The following MAGI2 variants were observed in gnomAD, a reference collection of about 807,000 sequenced individuals.
MAGI2 encodes the protein membrane-associated guanylate kinase, WW and PDZ domain-containing protein 2.
A neutral mutation model predicts 133.3 loss-of-function variants in MAGI2; 35 were observed. The ratio of observed to expected loss-of-function variants is 0.26; its 90% CI spans 0.20 to 0.35. The LOEUF is 0.35. Ranked by LOEUF, MAGI2 falls within the 10% of genes least tolerant of loss-of-function variation. MAGI2 has a pLI of 1.00. For missense variants in MAGI2, 1,636 were observed against 1,863.4 expected (o/e 0.88, Z 2.25); for synonymous variants, 729 against 710.6 (o/e 1.03, Z -0.41).
intron 2 of MAGI2, among the ~76,000 whole-genome samples, chr7:78,856,936 G>T (rs1343201404): frequency 6.6e-6 from 1 of 152,086 alleles, no homozygotes; most frequent in Non-Finnish European, 1.5e-5. Flanking sequence ...GTTGAGCAGT[G>T]GTTTGTAGTT....
intron 7 of MAGI2, among the ~76,000 whole-genome samples, chr7:78,347,696 C>A (rs1791060174): frequency 6.6e-6 from 1 of 152,184 alleles, no homozygotes; most frequent in African/African-American, 2.4e-5. Flanking sequence ...GCACTGGGAC[C>A]TTGCTCTAAC....
chr7:78,988,910 G>C (rs1044203273), intron 2 of MAGI2, among the ~76,000 whole-genome samples: 2 of 152,086 alleles, frequency 1.3e-5, no homozygotes, highest in Non-Finnish European at 2.9e-5. Context: ...TGATGACATA[G>C]AGTAATTGAT....
At chr7:78,424,393 G>A (rs1467457334) in intron 6 of MAGI2, among the ~76,000 whole-genome samples, 3 of 152,182 alleles carry the variant, frequency 2.0e-5, no homozygotes, top group African/African-American at 7.2e-5. Context: ...TTGCTGCAGG[G>A]GTGGGGCCTT....
chr7:79,055,445 T>G (rs2117023705), intron 1 of MAGI2, among the ~76,000 whole-genome samples: 1 of 152,332 alleles, frequency 6.6e-6, no homozygotes, highest in African/African-American at 2.4e-5. Context: ...TCAGATATTT[T>G]ATATTAAGTA....
chr7:78,377,439 C>A lies in MAGI2; in HGVS notation c.1046-8226G>T, dbSNP rs546370659. ...CTAGCAAACCTGCTTGATTAGAACA[C>A]AAGTATGAAGAATTGAAAGAAAGGG... On this transcript the variant is annotated intron_variant, in intron 6 of 21. Coordinates refer to ENST00000354212, the MANE Select transcript of MAGI2 (RefSeq NM_012301.4). Among the ~76,000 whole-genome samples, 21 of 151,756 alleles carry A rather than the reference C, an allele frequency of 1.4e-4. No homozygotes were observed. In the South Asian group the frequency reaches 4.4e-3, roughly 32 times the overall value.
chr7:78,347,580 C>T (rs1037046784), intron 7 of MAGI2, among the ~76,000 whole-genome samples: 4 of 152,144 alleles, frequency 2.6e-5, no homozygotes, highest in African/African-American at 9.7e-5. Context: ...GTTTTGAGTA[C>T]AGACATACTC....
chr7:78,290,056 AAAT>A (rs979386570), intron 9 of MAGI2, among the ~76,000 whole-genome samples: 3 of 152,230 alleles, frequency 2.0e-5, no homozygotes, highest in Non-Finnish European at 2.9e-5. Context: ...CAAACGGGCA[AAAT>A]AACCAGCTAG....
At chr7:78,689,857 C>T (rs1409284386) in intron 2 of MAGI2, among the ~76,000 whole-genome samples, 2 of 151,836 alleles carry the variant, frequency 1.3e-5, no homozygotes, top group East Asian at 1.9e-4. Flanking sequence ...GTTTGGGGCT[C>T]TTAGGATTAG....
intron 2 of MAGI2, among the ~76,000 whole-genome samples, chr7:78,693,993 G>A (rs1408801110): frequency 6.6e-6 from 1 of 152,112 alleles, no homozygotes; most frequent in Non-Finnish European, 1.5e-5. Context: ...GGAAAGGATT[G>A]GGGACAGTGA....
At chr7:79,224,412 T>C (rs938194672) in intron 1 of MAGI2, among the ~76,000 whole-genome samples, 7 of 152,054 alleles carry the variant, frequency 4.6e-5, no homozygotes, top group African/African-American at 1.2e-4. Flanking sequence ...GAGTACTTTA[T>C]GCTGTTTCAC....
At chr7:79,444,021 A>G (rs1205019471) in intron 1 of MAGI2, among the ~76,000 whole-genome samples, 2 of 152,230 alleles carry the variant, frequency 1.3e-5, no homozygotes, top group African/African-American at 4.8e-5. Context: ...ACGCAAATCA[A>G]TAAACGTAAT....
chr7:79,127,591 T>C (rs1467959648), intron 1 of MAGI2, among the ~76,000 whole-genome samples: 1 of 152,240 alleles, frequency 6.6e-6, no homozygotes, highest in African/African-American at 2.4e-5. Context: ...GCTGCATAAA[T>C]GTCTTCTTTT....
intron 6 of MAGI2, among the ~76,000 whole-genome samples, chr7:78,414,688 G>A (rs1398338819): frequency 6.6e-6 from 1 of 151,924 alleles, no homozygotes; most frequent in East Asian, 1.9e-4. Context: ...TTTTAGCTTA[G>A]AAGAGGTAGA....
At chr7:78,589,810 T>C (rs909486047) in intron 3 of MAGI2, among the ~76,000 whole-genome samples, 2 of 152,228 alleles carry the variant, frequency 1.3e-5, no homozygotes, top group South Asian at 2.1e-4. Flanking sequence ...GTCTTCAATA[T>C]GGAAAGAGTA....
intron 9 of MAGI2, among the ~76,000 whole-genome samples, chr7:78,338,305 C>T (rs533736384): frequency 6.6e-6 from 1 of 152,264 alleles, no homozygotes; most frequent in South Asian, 2.1e-4. Context: ...TCTGCATGTG[C>T]TATTTCCTCT....
intron 1 of MAGI2, among the ~76,000 whole-genome samples, chr7:79,237,137 A>ACT (rs1208684005): frequency 5.3e-5 from 8 of 152,266 alleles, no homozygotes; most frequent in Non-Finnish European, 1.0e-4. Context: ...TGCTACTACT[A>ACT]ATAATAATGA....
intron 2 of MAGI2, among the ~76,000 whole-genome samples, chr7:78,953,603 A>T (rs1199671688): frequency 6.6e-6 from 1 of 152,198 alleles, no homozygotes; most frequent in African/African-American, 2.4e-5. Flanking sequence ...TTAGATCAAT[A>T]TGAAAGTACA....
At chr7:78,848,896 C>T (rs754644453) in intron 2 of MAGI2, among the ~76,000 whole-genome samples, 4 of 152,002 alleles carry the variant, frequency 2.6e-5, no homozygotes, top group South Asian at 2.1e-4. Flanking sequence ...TGTTTGCCCA[C>T]ATTTAAATAT....
chr7:79,327,477 C>G (rs1839780195), intron 1 of MAGI2, among the ~76,000 whole-genome samples: 1 of 152,186 alleles, frequency 6.6e-6, no homozygotes, highest in Non-Finnish European at 1.5e-5. Context: ...AAAGGGAAAT[C>G]CTGACACATA....
Sources: allele counts gnomAD v4.1 joint callset (sites outside exome capture counted in the v4.1 genomes callset), GRCh38; gene constraint gnomAD v4.1.1; transcripts MANE v1.5; gene names NCBI Gene and HGNC (gene_info 2026-07-23, HGNC 2026-07-21).